Variants in CROCC observed in about 807,000 individuals in gnomAD.
CROCC encodes rootletin.
A neutral mutation model predicts 245.2 loss-of-function variants in CROCC; 180 were observed. The observed-to-expected ratio is 0.73, with a 90% CI of 0.65 to 0.83. The LOEUF (loss-of-function observed/expected upper bound fraction) is 0.83, where lower values mean the gene tolerates loss of function less well. Ranked by LOEUF, CROCC falls within the 40% of genes least tolerant of loss-of-function variation. CROCC has a pLI of 0.00. For missense variants in CROCC, 2,688 were observed against 2,779.4 expected (o/e 0.97, Z 0.74); for synonymous variants, 1,205 against 1,241.6 (o/e 0.97, Z 0.62).
intron 25 of CROCC, among the ~76,000 whole-genome samples, chr1:16,956,923 A>T (rs1488643001): frequency 6.6e-6 from 1 of 152,164 alleles, no homozygotes; most frequent in Non-Finnish European, 1.5e-5. Context: ...ACTCTAGAAG[A>T]TGCAAAGAAC....
intron 1 of CROCC, among the ~76,000 whole-genome samples, chr1:16,916,123 C>A (rs1480427414): frequency 6.6e-6 from 1 of 152,054 alleles, no homozygotes; most frequent in Non-Finnish European, 1.5e-5. Flanking sequence ...TTGCAGTGAG[C>A]TGAGATTGTG....
At chr1:16,959,152 A>G (rs1355768093) in intron 26 of CROCC, among the ~76,000 whole-genome samples, 1 of 152,148 alleles carries the variant, frequency 6.6e-6, no homozygotes, top group Non-Finnish European at 1.5e-5. Context: ...CCTCCCGAGT[A>G]TCTGGGATTA....
At chr1:16,923,590 C>A (rs1281317768) in intron 2 of CROCC, among the ~76,000 whole-genome samples, 1 of 152,240 alleles carries the variant, frequency 6.6e-6, no homozygotes, top group Admixed American at 6.5e-5. Flanking sequence ...TCTCCTGAGC[C>A]CTAGCCTTTA....
Position 16,936,847 on chromosome 1 carries a change from C to T in CROCC, c.1167C>T (p.Asp389=), listed in dbSNP as rs1182529549. The T allele has an allele frequency of 6.2e-7, 1 of 1,612,200 alleles. No homozygotes were observed. Among genetic ancestry groups the T allele is most frequent in the East Asian group, 2.2e-5 (1 of 44,896 alleles). Residue 389 remains aspartate (D), a synonymous_variant, in exon 9 of 37, where the codon GAC becomes GAT. Coordinates refer to ENST00000375541, the MANE Select transcript of CROCC (RefSeq NM_014675.5). ...KDLAQQQMQS[D]LDKADLSARV... ...TGGCGCAGCAGCAGATGCAAAGCGA[C>T]CTGGACAAGGCTGACCTCAGTGCCA...
At chr1:16,949,471 C>T (rs965634377) in intron 19 of CROCC, among the ~76,000 whole-genome samples, 6 of 152,178 alleles carry the variant, frequency 3.9e-5, no homozygotes, top group Admixed American at 2.6e-4. Context: ...GTTTCCAACC[C>T]GGGAGATGGT....
At chr1:16,925,391 C>T (rs150083386) in intron 3 of CROCC, among the ~76,000 whole-genome samples, 105 of 152,368 alleles carry the variant, frequency 6.9e-4, no homozygotes, top group African/African-American at 2.4e-3. Context: ...GGGGAAGCAC[C>T]ATGCTGGGGG....
At chr1:16,945,061 C>T (rs1236649223) in intron 14 of CROCC, among the ~76,000 whole-genome samples, 4 of 152,380 alleles carry the variant, frequency 2.6e-5, no homozygotes, top group Admixed American at 6.5e-5. Flanking sequence ...GGAGAAATCC[C>T]GTCTCTACTA....
chr1:16,921,113 C>T (rs564847302), upstream of CROCC, among the ~76,000 whole-genome samples: 52 of 152,396 alleles, frequency 3.4e-4, no homozygotes, highest in Middle Eastern at 6.8e-3. Context: ...CGTGACCCCC[C>T]AGCACCATGT....
upstream of CROCC, among the ~76,000 whole-genome samples, chr1:16,919,780 A>G (rs1178181812): frequency 2.0e-5 from 3 of 152,380 alleles, no homozygotes; most frequent in South Asian, 2.1e-4. Flanking sequence ...GAGTCTCGCT[A>G]TGTTGCCCAG....
intron 3 of CROCC, among the ~76,000 whole-genome samples, chr1:16,926,426 G>T (rs1236765603): frequency 1.3e-5 from 2 of 152,272 alleles, no homozygotes; most frequent in Non-Finnish European, 2.9e-5. Flanking sequence ...CCACCCCCTT[G>T]TCCCCATGGC....
upstream of CROCC, among the ~76,000 whole-genome samples, chr1:16,920,906 G>C (rs540495281): frequency 6.6e-6 from 1 of 152,358 alleles, no homozygotes; most frequent in African/African-American, 2.4e-5. Flanking sequence ...ACCACACCCG[G>C]CTAATTTTTG....
At chr1:16,915,998 G>A (rs1221689661) in intron 1 of CROCC, among the ~76,000 whole-genome samples, 1 of 152,248 alleles carries the variant, frequency 6.6e-6, no homozygotes, top group Non-Finnish European at 1.5e-5. Context: ...GGCCAATACA[G>A]TGAAACCTCA....
chr1:16,916,627 C>T (rs1356917597), intron 1 of CROCC, among the ~76,000 whole-genome samples: 1 of 152,286 alleles, frequency 6.6e-6, no homozygotes, highest in Non-Finnish European at 1.5e-5. Flanking sequence ...CTGCCTCAGC[C>T]TCTCAAGGAA....
intron 25 of CROCC, among the ~76,000 whole-genome samples, chr1:16,957,140 G>C (rs770172536): frequency 2.0e-5 from 3 of 152,168 alleles, no homozygotes; most frequent in African/African-American, 4.8e-5. Context: ...AGCTGTGATG[G>C]CTCATGCCTT....
Position 16,930,219 on chromosome 1 carries a change from T to G in CROCC, c.621+12T>G, listed in dbSNP as rs767595366. ...AGCAGCGGCTGAGGGTGGGTGCCAG[T>G]GTGGGGCAGGGGCAGGCCCTGCCCT... On this transcript the variant is annotated intron_variant, in intron 5 of 36. Coordinates refer to ENST00000375541, the MANE Select transcript of CROCC (RefSeq NM_014675.5). The G allele has an allele frequency of 4.1e-5, 65 of 1,588,162 alleles. No individual in the cohort carries two copies. The highest frequency in any genetic ancestry group is 1.8e-4 in the Admixed American group (10 of 55,760).
chr1:16,926,553 G>A lies in CROCC; in HGVS notation c.351+2074G>A, dbSNP rs576624848. On this transcript the variant is annotated intron_variant, in intron 3 of 36. Coordinates refer to ENST00000375541, the MANE Select transcript of CROCC (RefSeq NM_014675.5). The stretch of plus-strand genomic sequence containing the variant: ...CTGCAGCACCCCTGGCATGGGGAGC[G>A]GAGGGAGGGTCAGGTCTGTGTCCTG... Among the ~76,000 whole-genome samples the A allele has an allele frequency of 1.6e-4, 24 of 152,394 alleles. No homozygotes were observed. The South Asian group carries it at 2.3e-3, about 14-fold the overall frequency.
chr1:16,965,801 C>T lies in CROCC; in HGVS notation c.4484C>T (p.Thr1495Ile), dbSNP rs1185455646. 2 of 1,613,624 alleles carry T rather than the reference C, an allele frequency of 1.2e-6. No homozygotes were observed. The highest frequency in any genetic ancestry group is 1.3e-5 in the African/African-American group (1 of 75,066). Residue 1495 changes from threonine (T) to isoleucine (I), a missense_variant, in exon 28 of 37, where the codon ACC becomes ATC. By Grantham distance (89) the Thr-to-Ile change is moderately conservative. Coordinates refer to ENST00000375541, the MANE Select transcript of CROCC (RefSeq NM_014675.5). Reference sequence around the variant, plus strand: ...CAGCCACCATCTCCAGGACCTGCCACCTCCCCAGCCTCTCCAGACCTGGAC... The same window carrying T: ...CAGCCACCATCTCCAGGACCTGCCATCTCCCCAGCCTCTCCAGACCTGGAC... ...GSQPPSPGPATSPASPDLDPE... is the reference protein window; with the variant it reads ...GSQPPSPGPAISPASPDLDPE...
At chr1:16,947,306 A>C (rs1473279238) in intron 17 of CROCC, among the ~76,000 whole-genome samples, 1 of 152,194 alleles carries the variant, frequency 6.6e-6, no homozygotes, top group East Asian at 1.9e-4. Flanking sequence ...GTGAAACCCT[A>C]TCTCTACAAA....
Position 16,939,933 on chromosome 1 carries a change from G to T in CROCC, c.1648G>T (p.Gly550Cys). 1 of 1,612,714 alleles carries T rather than the reference G, an allele frequency of 6.2e-7. No individual in the cohort carries two copies. Among genetic ancestry groups the T allele is most frequent in the Non-Finnish European group, 8.5e-7 (1 of 1,179,820 alleles). ...GRYEASQDLL[G>C]TLRKQLSDSE... Reference sequence around the variant, plus strand: ...CTATGAGGCAAGCCAGGACCTACTGGGCACCCTGCGGAAGCAGCTTAGCGA... The same window carrying T: ...CTATGAGGCAAGCCAGGACCTACTGTGCACCCTGCGGAAGCAGCTTAGCGA... The change falls in exon 13 of 37, where the codon GGC (glycine) becomes TGC (cysteine). Residue 550 changes from glycine to cysteine, a missense_variant. By Grantham distance (159) the Gly-to-Cys change is radical. Coordinates refer to ENST00000375541, the MANE Select transcript of CROCC (RefSeq NM_014675.5).
Sources: gnomAD v4.1 joint callset for allele counts (sites outside exome capture counted in the v4.1 genomes callset) on GRCh38, gnomAD v4.1.1 for gene constraint, MANE v1.5 for transcripts, NCBI Gene and HGNC (gene_info 2026-07-23, HGNC 2026-07-21) for gene names.